Variants in CAMK1D observed in about 807,000 individuals in gnomAD.
The protein encoded by CAMK1D is calcium/calmodulin dependent protein kinase ID, also known as calcium/calmodulin-dependent protein kinase type 1D.
In CAMK1D, 9 loss-of-function variants were observed where a neutral mutation model predicts 47.7. The observed-to-expected ratio is 0.19, with a 90% CI of 0.11 to 0.33. CAMK1D has a LOEUF of 0.33. Ranked by LOEUF, CAMK1D falls within the 10% of genes least tolerant of loss-of-function variation. The probability of loss-of-function intolerance (pLI) is 1.00; values close to 1 mark genes in which losing one functional copy is unlikely to be tolerated. For synonymous variants in CAMK1D, 184 were observed against 184.9 expected, an observed-to-expected ratio of 0.99 and a Z score of 0.04; for missense variants, 291 against 488.7, an observed-to-expected ratio of 0.60 and a Z score of 3.81.
rs563065149 is a variant in CAMK1D, at chr10:12,613,708, G to A, written c.225-53028G>A. ...TTGGCCAGGCTGGTCTCGCACTCCT[G>A]ACCTCACGATCCACCTGCCTTGGCC... On this transcript the variant is annotated intron_variant, in intron 2 of 10. Coordinates refer to ENST00000619168, the MANE Select transcript of CAMK1D (RefSeq NM_153498.4). Among the ~76,000 whole-genome samples the A allele has an allele frequency of 4.6e-5, 7 of 152,256 alleles. No individual in the cohort carries two copies. In the South Asian group the frequency reaches 1.5e-3, roughly 32 times the overall value.
In CAMK1D at chr10:12,434,958, T is replaced by C. The variant is rs1440210323; in HGVS notation, c.92+85048T>C. On this transcript the variant is annotated intron_variant, in intron 1 of 10. Transcript: ENST00000619168. ...GAAGGCTGGGCGCAGTGGCTCACAC[T>C]GGTAATCCCAGCACTTTGGGAGGCT... Among the ~76,000 whole-genome samples, 7 of 152,034 alleles carry C rather than the reference T, an allele frequency of 4.6e-5. No individual in the cohort carries two copies. In the South Asian group the frequency reaches 1.0e-3, roughly 23 times the overall value.
At chr10:12,822,828 G>C (rs1297653829) in intron 8 of CAMK1D, among the ~76,000 whole-genome samples, 1 of 152,186 alleles carries the variant, frequency 6.6e-6, no homozygotes, top group Non-Finnish European at 1.5e-5. Flanking sequence ...TCTTGTTTCA[G>C]ATGTAGTTGC....
chr10:12,501,125 A>C (rs1287443285), intron 1 of CAMK1D, among the ~76,000 whole-genome samples: 2 of 152,204 alleles, frequency 1.3e-5, no homozygotes, highest in African/African-American at 2.4e-5. Flanking sequence ...CTGCTCACAA[A>C]GCAATGATGG....
chr10:12,816,356 C>T (rs200984504), intron 8 of CAMK1D, 28 bp downstream of exon 8: 80 of 1,599,354 alleles, frequency 5.0e-5, no homozygotes, highest in Middle Eastern at 3.4e-4. Context: ...CTCAGCAGAC[C>T]GTGCCATTTA....
intron 2 of CAMK1D, among the ~76,000 whole-genome samples, chr10:12,576,131 T>C (rs1837482733): frequency 6.6e-6 from 1 of 152,206 alleles, no homozygotes; most frequent in South Asian, 2.1e-4. Flanking sequence ...CTAAGTAAAA[T>C]AGTTTATTTA....
chr10:12,769,906 A>G, intron 5 of CAMK1D, 107 bp downstream of exon 5: 1 of 1,263,708 alleles, frequency 7.9e-7, no homozygotes, highest in South Asian at 1.4e-5. Context: ...TGAGCTTGGC[A>G]TGTAATCACA....
At chr10:12,701,469 G>A (rs1833514911) in intron 3 of CAMK1D, among the ~76,000 whole-genome samples, 1 of 152,128 alleles carries the variant, frequency 6.6e-6, no homozygotes, top group Admixed American at 6.5e-5. Context: ...TCCAGTATGG[G>A]CTGGCCTGGG....
At chr10:12,387,438 A>ATTT (rs1257900293) in intron 1 of CAMK1D, among the ~76,000 whole-genome samples, 1 of 51,432 alleles carries the variant, frequency 1.9e-5, no homozygotes, top group Non-Finnish European at 3.8e-5. Context: ...TATATATTAT[A>ATTT]TATATTTTAT....
chr10:12,762,204 A>G (rs79767324), intron 4 of CAMK1D, among the ~76,000 whole-genome samples: 1,721 of 152,330 alleles, frequency 0.011, 19 homozygotes, highest in East Asian at 0.059. Flanking sequence ...TCCAGCCCCC[A>G]GAGCTTACTG....
chr10:12,556,397 C>T (rs912259801), intron 2 of CAMK1D, among the ~76,000 whole-genome samples: 7 of 152,190 alleles, frequency 4.6e-5, no homozygotes, highest in South Asian at 2.1e-4. Flanking sequence ...TCACTAAGTA[C>T]GTGCAGTGGC....
chr10:12,577,738 G>A (rs979827213), intron 2 of CAMK1D, among the ~76,000 whole-genome samples: 12 of 152,150 alleles, frequency 7.9e-5, no homozygotes, highest in African/African-American at 2.4e-4. Context: ...ACCCCACTCC[G>A]GCCAATGCCC....
intron 3 of CAMK1D, among the ~76,000 whole-genome samples, chr10:12,722,169 C>T (rs112313968): frequency 0.015 from 2,240 of 152,096 alleles, 68 homozygotes; most frequent in African/African-American, 0.052. Context: ...CCAGGCTGGG[C>T]GCGGTGGCTC....
intron 1 of CAMK1D, among the ~76,000 whole-genome samples, chr10:12,528,216 C>T (rs1438203626): frequency 1.3e-5 from 2 of 152,176 alleles, no homozygotes; most frequent in African/African-American, 4.8e-5. Flanking sequence ...GCTCAAAAGT[C>T]CACAGACATA....
chr10:12,690,599 C>CT (rs1832838697), intron 3 of CAMK1D, among the ~76,000 whole-genome samples: 1 of 152,130 alleles, frequency 6.6e-6, no homozygotes, highest in Admixed American at 6.5e-5. Flanking sequence ...AATTTGGCTC[C>CT]TATGTCAAAA....
At chr10:12,427,698 C>CTTTTTTTTTTT (rs1588474191) in intron 1 of CAMK1D, among the ~76,000 whole-genome samples, 4 of 27,388 alleles carry the variant, frequency 1.5e-4, no homozygotes, top group African/African-American at 2.3e-4. Context: ...ACTGAACTTA[C>CTTTTTTTTTTT]TGTTTTTTTT....
chr10:12,725,724 C>G (rs1181857703), intron 3 of CAMK1D, among the ~76,000 whole-genome samples: 2 of 152,148 alleles, frequency 1.3e-5, no homozygotes, highest in Admixed American at 6.5e-5. Flanking sequence ...TGGTCATGTT[C>G]GTCTAGCCAG....
intron 3 of CAMK1D, among the ~76,000 whole-genome samples, chr10:12,732,561 G>A (rs1206938458): frequency 6.6e-6 from 1 of 152,076 alleles, no homozygotes; most frequent in Non-Finnish European, 1.5e-5. Flanking sequence ...AGAAAATGAG[G>A]AGGAGGCAAA....
intron 1 of CAMK1D, among the ~76,000 whole-genome samples, chr10:12,545,970 A>G (rs17151865): frequency 0.12 from 17,703 of 152,088 alleles, 1,087 homozygotes; most frequent in South Asian, 0.15. Context: ...TTGAGCTGAC[A>G]TGTGTACGGC....
intron 1 of CAMK1D, among the ~76,000 whole-genome samples, chr10:12,485,143 T>C (rs954959308): frequency 2.0e-5 from 3 of 152,124 alleles, no homozygotes; most frequent in African/African-American, 7.2e-5. Context: ...GGGCCTGAAA[T>C]AGAATGCATT....
Sources: allele counts gnomAD v4.1 joint callset (sites outside exome capture counted in the v4.1 genomes callset), GRCh38; gene constraint gnomAD v4.1.1; transcripts MANE v1.5; gene names NCBI Gene and HGNC (gene_info 2026-07-23, HGNC 2026-07-21).